The following CD86 variants were observed in gnomAD, a reference collection of about 807,000 sequenced individuals.
CD86 encodes CD86 molecule, also known as T-lymphocyte activation antigen CD86.
In CD86, 11 loss-of-function variants were observed where a neutral mutation model predicts 32.1. The observed-to-expected ratio is 0.34, with a 90% CI of 0.22 to 0.57. The LOEUF (loss-of-function observed/expected upper bound fraction) is 0.57. Among genes scored for constraint, CD86 ranks in the 20% least tolerant of loss-of-function variants. The pLI, the probability that CD86 is intolerant of heterozygous loss-of-function variation, is 0.86. For missense variants in CD86, 359 were observed against 398.4 expected, an observed-to-expected ratio of 0.90 and a Z score of 0.84; for synonymous variants, 137 against 135.3, an observed-to-expected ratio of 1.01 and a Z score of -0.09.
chr3:122,065,646 G>A (rs1576757911), intron 1 of CD86, among the ~76,000 whole-genome samples: 1 of 152,168 alleles, frequency 6.6e-6, no homozygotes, highest in East Asian at 1.9e-4. Context: ...GCAGATGCTT[G>A]AATCTAAGAG....
At chr3:122,077,859 A>G (rs1180874076) in intron 1 of CD86, 4 of 985,314 alleles carry the variant, frequency 4.1e-6, no homozygotes, top group African/African-American at 3.5e-5. Context: ...CCCTTTCTGT[A>G]TTTGAGTTCT....
chr3:122,118,222 A>G (rs2073286555), intron 6 of CD86, 129 bp downstream of exon 6: 2 of 736,730 alleles, frequency 2.7e-6, no homozygotes, highest in South Asian at 3.2e-5. Flanking sequence ...GGGAGAGGAA[A>G]ATAAAACTAG....
At chr3:122,118,780 G>C (rs554628088) in intron 6 of CD86, among the ~76,000 whole-genome samples, 26 of 152,320 alleles carry the variant, frequency 1.7e-4, no homozygotes, top group African/African-American at 6.0e-4. Context: ...CACTTAGCAT[G>C]GTGCCTGGCA....
chr3:122,113,977 G>T (rs952933586), intron 5 of CD86, among the ~76,000 whole-genome samples: 3 of 152,162 alleles, frequency 2.0e-5, no homozygotes, highest in Non-Finnish European at 4.4e-5. Context: ...TAGGCCAGGG[G>T]TGGTGGCTCA....
intron 1 of CD86, among the ~76,000 whole-genome samples, chr3:122,067,209 C>T (rs2072427006): frequency 6.6e-6 from 1 of 152,192 alleles, no homozygotes; most frequent in African/African-American, 2.4e-5. Context: ...CCTTGTGTGT[C>T]TTGCTGAGAA....
chr3:122,057,528 A>T (rs113770215), intron 1 of CD86, among the ~76,000 whole-genome samples: 1 of 152,336 alleles, frequency 6.6e-6, no homozygotes, highest in African/African-American at 2.4e-5. Flanking sequence ...ATTAATCAGA[A>T]ATATAGGTAG....
chr3:122,103,890 G>C (rs1576782190), intron 3 of CD86, 43 bp downstream of exon 3: 1 of 1,477,666 alleles, frequency 6.8e-7, no homozygotes, highest in Admixed American at 1.8e-5. Flanking sequence ...AGCCTTCTCA[G>C]ATGAGACTGC....
chr3:122,105,631 T>C (rs1466215411), intron 3 of CD86, among the ~76,000 whole-genome samples: 2 of 152,228 alleles, frequency 1.3e-5, no homozygotes, highest in Non-Finnish European at 2.9e-5. Flanking sequence ...TCTTAGAGTA[T>C]GTTATGAAGA....
intron 5 of CD86, among the ~76,000 whole-genome samples, chr3:122,111,530 A>G (rs1300580585): frequency 6.6e-6 from 1 of 152,170 alleles, no homozygotes; most frequent in Non-Finnish European, 1.5e-5. Flanking sequence ...TGGGATGGAG[A>G]AATGAACTGG....
At chr3:122,057,402 C>T (rs1346095899) in intron 1 of CD86, among the ~76,000 whole-genome samples, 1 of 151,912 alleles carries the variant, frequency 6.6e-6, no homozygotes, top group Non-Finnish European at 1.5e-5. Context: ...AATGGAATAC[C>T]ATGTAATTAT....
intron 2 of CD86, among the ~76,000 whole-genome samples, chr3:122,098,279 T>C (rs918752560): frequency 6.6e-6 from 1 of 152,200 alleles, no homozygotes; most frequent in Admixed American, 6.5e-5. Flanking sequence ...GAAATCTCCC[T>C]GGGAGGTAGC....
chr3:122,055,437 C>T lies in CD86; in HGVS notation c.-53C>T, dbSNP rs2072218826. 6.3e-7 allele frequency: 1 copy of T among 1,593,600 alleles called. No individual in the cohort carries two copies. The highest frequency in any genetic ancestry group is 1.1e-5 in the South Asian group (1 of 90,606). On this transcript the variant is annotated 5_prime_UTR_variant, in exon 1 of 7. Coordinates refer to ENST00000330540, the MANE Select transcript of CD86 (RefSeq NM_175862.5). ...GCTGTAACAGGGACTAGCACAGACACACGGATGAGTGGGGTCATTTCCAGA... is the reference window on the plus strand; with the variant it reads ...GCTGTAACAGGGACTAGCACAGACATACGGATGAGTGGGGTCATTTCCAGA...
intron 1 of CD86, among the ~76,000 whole-genome samples, chr3:122,061,682 A>C (rs367614285): frequency 1.2e-4 from 19 of 152,360 alleles, no homozygotes; most frequent in African/African-American, 3.8e-4. Flanking sequence ...ATAAAAGATA[A>C]TGACAACACC....
In CD86 at chr3:122,106,189, T is replaced by G; in HGVS notation, c.401-9T>G. ...GATTGATTTTTTTTTATCTCTCTTC[T>G]GCTTTCAGCTAACTTCAGTCAACCT... On this transcript the variant is annotated splice_polypyrimidine_tract_variant and intron_variant, in intron 3 of 6. Coordinates refer to ENST00000330540, the MANE Select transcript of CD86 (RefSeq NM_175862.5). 6.3e-7 allele frequency: 1 copy of G among 1,579,194 alleles called. No homozygotes were observed. The highest frequency in any genetic ancestry group is 8.6e-7 in the Non-Finnish European group (1 of 1,162,888).
intron 1 of CD86, among the ~76,000 whole-genome samples, chr3:122,074,279 G>A (rs1357445144): frequency 6.6e-6 from 1 of 152,110 alleles, no homozygotes; most frequent in Non-Finnish European, 1.5e-5. Context: ...ACCATCCCCT[G>A]CCCTCCCTTC....
chr3:122,096,253 T>C (rs2072905557), intron 2 of CD86, among the ~76,000 whole-genome samples: 1 of 152,108 alleles, frequency 6.6e-6, no homozygotes, highest in South Asian at 2.1e-4. Context: ...TGTTGTTTTG[T>C]TTTGCTTTAG....
At chr3:122,056,886 C>T (rs1293994382) in intron 1 of CD86, among the ~76,000 whole-genome samples, 1 of 152,128 alleles carries the variant, frequency 6.6e-6, no homozygotes, top group Non-Finnish European at 1.5e-5. Flanking sequence ...GCACTGTCTG[C>T]AGAGGTCTAA....
Position 122,119,564 on chromosome 3 carries a change from T to C in CD86, c.*30T>C. On this transcript the variant is annotated 3_prime_UTR_variant, in exon 7 of 7. Transcript: ENST00000330540. ...AGAGTAAAGCCCATACAAGTATTCATTTTTTCTACCCTTTCCTTTGTAAGT... is the reference window on the plus strand; with the variant it reads ...AGAGTAAAGCCCATACAAGTATTCACTTTTTCTACCCTTTCCTTTGTAAGT... 7.4e-7 allele frequency: 1 copy of C among 1,354,388 alleles called. No individual in the cohort carries two copies. Among genetic ancestry groups the C allele is most frequent in the Non-Finnish European group, 1.1e-6 (1 of 950,446 alleles). The allele number at this position is 1,354,388 out of a possible 1,614,324, so 83.9% of individuals were successfully genotyped here.
At chr3:122,065,287 T>C (rs566717786) in intron 1 of CD86, among the ~76,000 whole-genome samples, 3 of 152,306 alleles carry the variant, frequency 2.0e-5, no homozygotes, top group African/African-American at 7.2e-5. Context: ...TGTTGAGCCA[T>C]GTCCAAAACA....
Sources: gnomAD v4.1 joint callset for allele counts (sites outside exome capture counted in the v4.1 genomes callset) on GRCh38, gnomAD v4.1.1 for gene constraint, MANE v1.5 for transcripts, NCBI Gene and HGNC (gene_info 2026-07-23, HGNC 2026-07-21) for gene names.